The following NRXN2 variants were observed in gnomAD, a reference collection of about 807,000 sequenced individuals.
The protein encoded by NRXN2 is neurexin 2.
In NRXN2, 29 loss-of-function variants were observed where a neutral mutation model predicts 128.8. That is an observed-to-expected ratio of 0.23 (90% CI 0.17 to 0.31). The LOEUF (loss-of-function observed/expected upper bound fraction) is 0.31, where lower values mean the gene tolerates loss of function less well. Among genes scored for constraint, NRXN2 ranks in the 10% least tolerant of loss-of-function variants. The pLI, the probability that NRXN2 is intolerant of heterozygous loss-of-function variation, is 1.00. For synonymous variants in NRXN2, 1,098 were observed against 1,075.2 expected (o/e 1.02, Z -0.41); for missense variants, 1,881 against 2,452.6 (o/e 0.77, Z 4.92).
chr11:64,712,243 C>T (rs1041761960), intron 2 of NRXN2, among the ~76,000 whole-genome samples: 2 of 151,796 alleles, frequency 1.3e-5, no homozygotes, highest in African/African-American at 4.8e-5. Context: ...CACACAGACC[C>T]CACTCACCCC....
chr11:64,661,702 T>A (rs1453207802), intron 9 of NRXN2, among the ~76,000 whole-genome samples: 4 of 152,154 alleles, frequency 2.6e-5, no homozygotes, highest in Non-Finnish European at 1.5e-5. Context: ...TCCTTTATGA[T>A]CCCATTTTGA....
At chr11:64,669,385 T>C (rs1157797513) in intron 7 of NRXN2, among the ~76,000 whole-genome samples, 1 of 152,200 alleles carries the variant, frequency 6.6e-6, no homozygotes, top group Non-Finnish European at 1.5e-5. Context: ...CTCTTCCTTC[T>C]TCCTGTCTAA....
intron 6 of NRXN2, among the ~76,000 whole-genome samples, chr11:64,679,453 C>T (rs578235093): frequency 2.0e-5 from 3 of 151,842 alleles, no homozygotes; most frequent in South Asian, 2.1e-4. Context: ...CTGGCTAACA[C>T]GGTGAAACCC....
chr11:64,715,750 C>T (rs1166896232), intron 1 of NRXN2, among the ~76,000 whole-genome samples: 1 of 152,168 alleles, frequency 6.6e-6, no homozygotes, highest in Non-Finnish European at 1.5e-5. Flanking sequence ...CTGCCTCTGC[C>T]CGGGCAGTGG....
chr11:64,650,912 C>T (rs1159463286), intron 14 of NRXN2, among the ~76,000 whole-genome samples: 2 of 152,112 alleles, frequency 1.3e-5, no homozygotes, highest in Admixed American at 1.3e-4. Context: ...TGTGGGTCAG[C>T]AGGGTCCTCT....
At chr11:64,669,786 T>A (rs980802515) in intron 7 of NRXN2, among the ~76,000 whole-genome samples, 1 of 152,132 alleles carries the variant, frequency 6.6e-6, no homozygotes, top group Admixed American at 6.6e-5. Context: ...AGGAAGGCAG[T>A]GGTTTGGAAG....
intron 19 of NRXN2, among the ~76,000 whole-genome samples, chr11:64,628,996 C>G (rs915724765): frequency 6.6e-6 from 1 of 151,806 alleles, no homozygotes; most frequent in African/African-American, 2.4e-5. Flanking sequence ...TATTAGGGGG[C>G]CACGCAGGCC....
chr11:64,610,479 G>C (rs1437047528), intron 22 of NRXN2, among the ~76,000 whole-genome samples: 1 of 152,120 alleles, frequency 6.6e-6, no homozygotes. Flanking sequence ...ATGCCTCCAG[G>C]AATCTGTTGG....
chr11:64,645,001 C>G (rs1207850006), intron 17 of NRXN2, among the ~76,000 whole-genome samples: 1 of 152,150 alleles, frequency 6.6e-6, no homozygotes, highest in African/African-American at 2.4e-5. Context: ...GGATTTGGCC[C>G]CCAGGTCTTT....
intron 2 of NRXN2, among the ~76,000 whole-genome samples, chr11:64,701,421 A>G (rs1293573843): frequency 6.6e-6 from 1 of 152,216 alleles, no homozygotes; most frequent in African/African-American, 2.4e-5. Context: ...ACAGCTGGCT[A>G]AGAAAATCTA....
chr11:64,641,260 G>A (rs1310187079), intron 17 of NRXN2, among the ~76,000 whole-genome samples: 3 of 152,074 alleles, frequency 2.0e-5, no homozygotes, highest in Non-Finnish European at 2.9e-5. Flanking sequence ...GGGATGGGAT[G>A]GAGGCACAGA....
intron 11 of NRXN2, among the ~76,000 whole-genome samples, chr11:64,655,161 T>C (rs1419564245): frequency 6.6e-6 from 1 of 152,200 alleles, no homozygotes; most frequent in Admixed American, 6.5e-5. Context: ...CTGATGCCCC[T>C]GTGGCTTTGA....
intron 22 of NRXN2, among the ~76,000 whole-genome samples, chr11:64,619,133 T>TC (rs898112099): frequency 1.3e-5 from 2 of 151,130 alleles, no homozygotes; most frequent in Non-Finnish European, 3.0e-5. Context: ...CCACATAATC[T>TC]CCCCCAACCC....
At chr11:64,679,064 G>T (rs533245005) in intron 6 of NRXN2, among the ~76,000 whole-genome samples, 1 of 152,216 alleles carries the variant, frequency 6.6e-6, no homozygotes, top group Non-Finnish European at 1.5e-5. Flanking sequence ...AAGAGGATTA[G>T]TACTGGTGGC....
chr11:64,685,509 A>T, intron 6 of NRXN2, 137 bp downstream of exon 6: 1 of 1,173,860 alleles, frequency 8.5e-7, no homozygotes, highest in Non-Finnish European at 1.3e-6. Context: ...CACAGCCCCA[A>T]CTCCTGTTCT....
intron 4 of NRXN2, among the ~76,000 whole-genome samples, chr11:64,690,917 T>C (rs1202272431): frequency 6.6e-6 from 1 of 152,102 alleles, no homozygotes; most frequent in Admixed American, 6.5e-5. Context: ...CCCTTTATGC[T>C]GGGTTAAGTT....
chr11:64,644,946 C>T (rs1310450977), intron 17 of NRXN2, among the ~76,000 whole-genome samples: 1 of 152,136 alleles, frequency 6.6e-6, no homozygotes, highest in African/African-American at 2.4e-5. Flanking sequence ...AGGACATCTC[C>T]CCAATGCTGC....
intron 22 of NRXN2, among the ~76,000 whole-genome samples, chr11:64,615,827 AGC>A (rs967241207): frequency 6.5e-5 from 8 of 122,708 alleles, no homozygotes; most frequent in Admixed American, 4.4e-4. Context: ...TGTAGGCCCA[AGC>A]GTGTGTGTGT....
chr11:64,692,764 G>T, intron 4 of NRXN2, 83 bp downstream of exon 4: 1 of 1,458,166 alleles, frequency 6.9e-7, no homozygotes, highest in Middle Eastern at 1.7e-4. Context: ...AGGGGACAGG[G>T]GAAGGACAGG....
Sources: allele counts gnomAD v4.1 joint callset (sites outside exome capture counted in the v4.1 genomes callset), GRCh38; gene constraint gnomAD v4.1.1; transcripts MANE v1.5; gene names NCBI Gene and HGNC (gene_info 2026-07-23, HGNC 2026-07-21).